PHF20L1: variants seen among roughly 807,000 people sequenced by gnomAD.
PHF20L1 encodes PHD finger protein 20-like protein 1.
PHF20L1 carries 44 observed loss-of-function variants against 125.5 expected under a neutral mutation model. That is an observed-to-expected ratio of 0.35 (90% CI 0.28 to 0.45). PHF20L1 has a LOEUF of 0.45. Ranked by LOEUF, PHF20L1 falls within the 20% of genes least tolerant of loss-of-function variation. PHF20L1 has a pLI of 1.00. For synonymous variants in PHF20L1, 380 were observed against 403.1 expected (o/e 0.94, Z 0.69); for missense variants, 1,012 against 1,217.2 (o/e 0.83, Z 2.51).
intron 2 of PHF20L1, among the ~76,000 whole-genome samples, chr8:132,781,023 A>T (rs867192341): frequency 4.6e-5 from 7 of 151,666 alleles, no homozygotes; most frequent in South Asian, 2.1e-4. Context: ...TTAAAAAAAA[A>T]TTTTTTTTGT....
chr8:132,795,969 G>A (rs1832342910), intron 4 of PHF20L1, among the ~76,000 whole-genome samples: 1 of 151,958 alleles, frequency 6.6e-6, no homozygotes, highest in African/African-American at 2.4e-5. Context: ...TTTTCAGACC[G>A]CGGTTGACTG....
chr8:132,819,510 C>T (rs901858733), intron 12 of PHF20L1, among the ~76,000 whole-genome samples: 2 of 150,894 alleles, frequency 1.3e-5, no homozygotes, highest in African/African-American at 4.9e-5. Context: ...TTGATTACAA[C>T]CTTGTGTGCC....
chr8:132,778,259 T>A (rs948823574), intron 2 of PHF20L1, among the ~76,000 whole-genome samples: 1 of 152,196 alleles, frequency 6.6e-6, no homozygotes, highest in Non-Finnish European at 1.5e-5. Flanking sequence ...CAACTTCTCA[T>A]GTTTTGGATA....
At chr8:132,798,403 A>C (rs1832667838) in intron 4 of PHF20L1, among the ~76,000 whole-genome samples, 1 of 152,062 alleles carries the variant, frequency 6.6e-6, no homozygotes, top group South Asian at 2.1e-4. Context: ...AGAAACATTC[A>C]AAAGCAAATG....
chr8:132,809,839 A>T (rs1284236369), intron 8 of PHF20L1: 1 of 152,130 alleles, frequency 6.6e-6, no homozygotes, highest in African/African-American at 2.4e-5. Context: ...GTACCTGACA[A>T]CCTTGAAATG....
rs569515117 is a variant in PHF20L1, at chr8:132,826,400, C to T, written c.1744+1029C>T. On this transcript the variant is annotated intron_variant, in intron 14 of 20. Transcript: ENST00000395386. Reference sequence around the variant, plus strand: ...ATGTGTGCGCCAAGTGGCCTAAAAACCCGTGAGGAAACTCACACGGTGCAT... The same window carrying T: ...ATGTGTGCGCCAAGTGGCCTAAAAATCCGTGAGGAAACTCACACGGTGCAT... 8.5e-5 allele frequency: 13 copies of T among 152,152 alleles called. No individual in the cohort carries two copies. The South Asian group carries it at 2.5e-3, about 29-fold the overall frequency. The allele number at this position is 152,152 out of a possible 1,614,324, so 9.4% of individuals were successfully genotyped here. A position where few individuals can be genotyped will look rare whatever the true frequency, so the allele number is the denominator to read the frequency against.
chr8:132,811,998 TC>T, intron 9 of PHF20L1: 1 of 982,966 alleles, frequency 1.0e-6, no homozygotes, highest in Non-Finnish European at 1.2e-6. Flanking sequence ...ATTGAGTTTT[TC>T]AGGGTTATTT....
chr8:132,791,780 ACTGTACATACCAATTT>A (rs1171043282), intron 2 of PHF20L1, among the ~76,000 whole-genome samples: 1 of 152,158 alleles, frequency 6.6e-6, no homozygotes, highest in African/African-American at 2.4e-5. Context: ...CTTCATCCCA[ACTGTACATACCAATTT>A]CTAGATATTT....
chr8:132,813,442 C>T (rs1426261631), intron 9 of PHF20L1, among the ~76,000 whole-genome samples: 1 of 151,810 alleles, frequency 6.6e-6, no homozygotes, highest in East Asian at 1.9e-4. Flanking sequence ...ACTTTTCTTC[C>T]CCAGCAAAAT....
chr8:132,820,371 A>C (rs769297901), intron 12 of PHF20L1, among the ~76,000 whole-genome samples: 6 of 151,886 alleles, frequency 4.0e-5, no homozygotes, highest in Non-Finnish European at 8.8e-5. Flanking sequence ...ACAGTTATCT[A>C]TTGCCCCTTG....
chr8:132,785,024 A>G (rs879846818), intron 2 of PHF20L1, among the ~76,000 whole-genome samples: 17 of 152,154 alleles, frequency 1.1e-4, no homozygotes, highest in Non-Finnish European at 2.2e-4. Flanking sequence ...TCCTTCATCA[A>G]TTTATAATGA....
Position 132,775,551 on chromosome 8 carries a change from C to T in PHF20L1, c.-132C>T. Reference sequence around the variant, plus strand: ...GCTCCCTCCCCGGCCGCTGCCTGGGCGGAGGCAGAGGCAGAGGCCCGGGCT... The same window carrying T: ...GCTCCCTCCCCGGCCGCTGCCTGGGTGGAGGCAGAGGCAGAGGCCCGGGCT... On this transcript the variant is annotated 5_prime_UTR_variant, in exon 1 of 21. Coordinates refer to ENST00000395386, the MANE Select transcript of PHF20L1 (RefSeq NM_016018.5). The T allele has an allele frequency of 2.7e-6, 1 of 367,280 alleles. No homozygotes were observed. 22.8% of individuals were successfully genotyped at this position (367,280 alleles called of 1,614,324 possible). A position where few individuals can be genotyped will look rare whatever the true frequency, so the allele number is the denominator to read the frequency against.
intron 2 of PHF20L1, among the ~76,000 whole-genome samples, chr8:132,784,297 AG>A (rs1335081666): frequency 6.6e-6 from 1 of 152,180 alleles, no homozygotes; most frequent in Non-Finnish European, 1.5e-5. Flanking sequence ...GAAAAACAAA[AG>A]TATTGGAAAA....
chr8:132,834,357 G>T (rs1192600993), intron 15 of PHF20L1, among the ~76,000 whole-genome samples: 1 of 151,704 alleles, frequency 6.6e-6, no homozygotes, highest in Non-Finnish European at 1.5e-5. Context: ...ATTTATTGAG[G>T]CAAGATCTTG....
chr8:132,836,155 C>G (rs1837333390), intron 15 of PHF20L1, among the ~76,000 whole-genome samples: 1 of 152,074 alleles, frequency 6.6e-6, no homozygotes, highest in African/African-American at 2.4e-5. Context: ...AGTGGTGTCA[C>G]ACTGATACTA....
intron 10 of PHF20L1, chr8:132,815,143 T>C (rs1834812196): frequency 1.0e-5 from 3 of 288,900 alleles, no homozygotes; most frequent in Non-Finnish European, 1.9e-5. Flanking sequence ...TCTCCTCAAC[T>C]CATAATCCAA....
intron 20 of PHF20L1, 70 bp from the exon 21 acceptor site, chr8:132,845,711 C>T: frequency 9.0e-7 from 1 of 1,110,382 alleles, no homozygotes; most frequent in Non-Finnish European, 1.4e-6. Context: ...CTCCAACTTT[C>T]TGATTGTTTC....
chr8:132,843,320 G>C (rs1838117406), intron 19 of PHF20L1: 1 of 983,354 alleles, frequency 1.0e-6, no homozygotes, highest in Non-Finnish European at 1.2e-6. Context: ...ATTCAGTAAG[G>C]TGAATTCTGA....
At chr8:132,814,918 T>C (rs776264963) in intron 10 of PHF20L1, 29 bp downstream of exon 10, 5 of 1,487,508 alleles carry the variant, frequency 3.4e-6, no homozygotes, top group Non-Finnish European at 3.7e-6. Context: ...AAAATAGTTA[T>C]TTATCCTATA....
Sources: allele counts gnomAD v4.1 joint callset (sites outside exome capture counted in the v4.1 genomes callset), GRCh38; gene constraint gnomAD v4.1.1; transcripts MANE v1.5; gene names NCBI Gene and HGNC (gene_info 2026-07-23, HGNC 2026-07-21).